Variants in CAND1 observed in about 807,000 individuals in gnomAD.
CAND1 encodes cullin associated and neddylation dissociated 1, also known as cullin-associated NEDD8-dissociated protein 1.
In CAND1, 7 loss-of-function variants were observed where a neutral mutation model predicts 108.5. That is an observed-to-expected ratio of 0.06 (90% CI 0.04 to 0.12). CAND1 has a LOEUF of 0.12. Among genes scored for constraint, CAND1 ranks in the 10% least tolerant of loss-of-function variants. CAND1 has a pLI of 1.00. For missense variants in CAND1, 941 were observed against 1,448.7 expected, an observed-to-expected ratio of 0.65 and a Z score of 5.69; for synonymous variants, 534 against 512.0, an observed-to-expected ratio of 1.04 and a Z score of -0.58.
intron 7 of CAND1, among the ~76,000 whole-genome samples, chr12:67,302,033 G>T (rs985460141): frequency 6.6e-6 from 1 of 152,128 alleles, no homozygotes; most frequent in Non-Finnish European, 1.5e-5. Context: ...GTTAATTGAT[G>T]ATTTTAAAGG....
chr12:67,286,260 T>C (rs2044670503), intron 2 of CAND1, among the ~76,000 whole-genome samples: 1 of 152,198 alleles, frequency 6.6e-6, no homozygotes, highest in South Asian at 2.1e-4. Context: ...TCCGCCCACC[T>C]CGGCTTCCCA....
At chr12:67,282,829 C>G (rs2044632857) in intron 2 of CAND1, among the ~76,000 whole-genome samples, 1 of 152,144 alleles carries the variant, frequency 6.6e-6, no homozygotes, top group Non-Finnish European at 1.5e-5. Flanking sequence ...TACAGAGAGT[C>G]TTTTCTAAGA....
intron 13 of CAND1, 70 bp downstream of exon 13, chr12:67,310,386 A>G: frequency 4.5e-6 from 5 of 1,117,804 alleles, no homozygotes; most frequent in Non-Finnish European, 6.4e-6. Flanking sequence ...TCACCCTTGT[A>G]ATTTACTCAT....
intron 1 of CAND1, among the ~76,000 whole-genome samples, chr12:67,276,931 G>A (rs1434245055): frequency 6.6e-6 from 1 of 152,140 alleles, no homozygotes; most frequent in Non-Finnish European, 1.5e-5. Flanking sequence ...AAGATCAGAG[G>A]AATATCCATT....
intron 4 of CAND1, among the ~76,000 whole-genome samples, chr12:67,296,393 AG>A (rs2044770134): frequency 6.6e-6 from 1 of 152,198 alleles, no homozygotes; most frequent in Non-Finnish European, 1.5e-5. Context: ...CCCCTAAAAA[AG>A]CAATACAGAA....
intron 11 of CAND1, among the ~76,000 whole-genome samples, chr12:67,308,896 C>G (rs2044918045): frequency 1.3e-5 from 2 of 151,830 alleles, no homozygotes; most frequent in South Asian, 4.1e-4. Flanking sequence ...TGAAGTCTCT[C>G]TTTCCTCCCA....
rs1229161270 is a variant in CAND1 at position 67,311,832 on chromosome 12, A to G, written c.3468+32A>G. 3 of 1,289,998 alleles carry G rather than the reference A, an allele frequency of 2.3e-6. No individual in the cohort carries two copies. In the African/African-American group the frequency reaches 4.4e-5, roughly 19 times the overall value. 79.9% of individuals were successfully genotyped at this position (1,289,998 alleles called of 1,614,324 possible). On this transcript the variant is annotated intron_variant, in intron 14 of 14. Coordinates refer to ENST00000545606, the MANE Select transcript of CAND1 (RefSeq NM_018448.5). ...AATGATAAGTATCAACCTAGGTCAG[A>G]CTTGGTGTATTGGGGATTCCTAGCC...
chr12:67,297,313 A>G, intron 4 of CAND1, 94 bp from the exon 5 acceptor site: 1 of 1,154,946 alleles, frequency 8.7e-7, no homozygotes, highest in Non-Finnish European at 1.3e-6. Context: ...TGTGTTCTGA[A>G]TATTTGCATT....
rs2044993260 is a variant in CAND1 at position 67,314,947 on chromosome 12, G to A, written c.*2117G>A. 2 of 152,196 alleles carry A rather than the reference G, an allele frequency of 1.3e-5. No homozygotes were observed. The highest frequency in any genetic ancestry group is 2.9e-5 in the Non-Finnish European group (2 of 68,036). 9.4% of individuals were successfully genotyped at this position (152,196 alleles called of 1,614,324 possible). On this transcript the variant is annotated 3_prime_UTR_variant, in exon 15 of 15. Transcript: ENST00000545606. Reference sequence around the variant, plus strand: ...TGATTAACTCCATACTCCTAGTGGTGATGTGGTCCAGATACTGGAATGGAA... The same window carrying A: ...TGATTAACTCCATACTCCTAGTGGTAATGTGGTCCAGATACTGGAATGGAA...
Position 67,306,036 on chromosome 12 carries a change from C to G in CAND1, c.2368C>G (p.Leu790Val). 6.2e-7 allele frequency: 1 copy of G among 1,614,146 alleles called. No individual in the cohort carries two copies. The highest frequency in any genetic ancestry group is 8.5e-7 in the Non-Finnish European group (1 of 1,180,006). ...TCCAGTTTACTCTCAGAGCACAGCT[C>G]TTACTCATAAGCAGTCTTATTATTC... ...TGPVYSQSTA[L>V]THKQSYYSIA... The change falls in exon 10 of 15, where the codon CTT becomes GTT. Residue 790 changes from leucine (L) to valine (V), a missense_variant. By Grantham distance (32) the Leu-to-Val change is conservative. Around this residue, in one of 9 missense-constraint regions of CAND1, gnomAD observed 697 missense variants for 942.0 expected, o/e 0.74. Coordinates refer to ENST00000545606, the MANE Select transcript of CAND1 (RefSeq NM_018448.5).
intron 8 of CAND1, among the ~76,000 whole-genome samples, chr12:67,304,146 C>T (rs762415142): frequency 1.8e-4 from 27 of 151,850 alleles, no homozygotes; most frequent in African/African-American, 3.4e-4. Context: ...TGCACCACCA[C>T]GCCCAGCTAA....
intron 1 of CAND1, among the ~76,000 whole-genome samples, chr12:67,278,610 C>T (rs748859425): frequency 6.6e-6 from 1 of 152,070 alleles, no homozygotes; most frequent in Non-Finnish European, 1.5e-5. Flanking sequence ...CCTCTGTGTC[C>T]CAGGTTCAAG....
intron 2 of CAND1, among the ~76,000 whole-genome samples, chr12:67,284,259 CCTGA>C (rs1297085905): frequency 2.0e-5 from 3 of 151,240 alleles, no homozygotes; most frequent in Non-Finnish European, 4.4e-5. Context: ...GATAACAGAT[CCTGA>C]CTAATGATAA....
intron 7 of CAND1, among the ~76,000 whole-genome samples, chr12:67,301,186 G>A (rs1247788157): frequency 1.3e-5 from 2 of 152,050 alleles, no homozygotes; most frequent in Non-Finnish European, 1.5e-5. Context: ...ATAAGCAAAC[G>A]TCTTGCATTT....
At chr12:67,272,248 C>G (rs994370996) in intron 1 of CAND1, among the ~76,000 whole-genome samples, 1 of 152,158 alleles carries the variant, frequency 6.6e-6, no homozygotes, top group Non-Finnish European at 1.5e-5. Flanking sequence ...ATGGTAGAAT[C>G]CAAAGAGAAT....
intron 3 of CAND1, chr12:67,293,251 C>T (rs1461402416): frequency 6.5e-6 from 1 of 153,454 alleles, no homozygotes; most frequent in African/African-American, 2.4e-5. Flanking sequence ...TTTACAGCTA[C>T]TTGGTAATTA....
chr12:67,274,626 C>A (rs2044552608), intron 1 of CAND1, among the ~76,000 whole-genome samples: 1 of 152,106 alleles, frequency 6.6e-6, no homozygotes, highest in Non-Finnish European at 1.5e-5. Context: ...TTAGGAACCT[C>A]CAGAAAACCA....
At chr12:67,296,878 G>A (rs1381108309) in intron 4 of CAND1, among the ~76,000 whole-genome samples, 1 of 152,000 alleles carries the variant, frequency 6.6e-6, no homozygotes, top group African/African-American at 2.4e-5. Flanking sequence ...GCTCATTGCA[G>A]CCTCAATTTA....
At chr12:67,294,017 A>G (rs1022511818) in intron 3 of CAND1, among the ~76,000 whole-genome samples, 4 of 152,196 alleles carry the variant, frequency 2.6e-5, no homozygotes, top group South Asian at 4.1e-4. Context: ...TAATCGAAAA[A>G]GGATGCTTTC....
Sources: gnomAD v4.1 joint callset for allele counts (sites outside exome capture counted in the v4.1 genomes callset) on GRCh38, gnomAD v4.1.1 for gene constraint, gnomAD v4.1.1 regional missense constraint, MANE v1.5 for transcripts, NCBI Gene and HGNC (gene_info 2026-07-23, HGNC 2026-07-21) for gene names.